EHF: variants seen among roughly 807,000 people sequenced by gnomAD.
EHF encodes the protein ESE3 transcription factor.
A neutral mutation model predicts 45.1 loss-of-function variants in EHF; 14 were observed. That is an observed-to-expected ratio of 0.31 (90% confidence interval 0.21 to 0.49). The LOEUF (loss-of-function observed/expected upper bound fraction) is 0.49, where lower values mean the gene tolerates loss of function less well. Ranked by LOEUF, EHF falls within the 20% of genes least tolerant of loss-of-function variation. EHF has a pLI of 0.99. For synonymous variants in EHF, 136 were observed against 131.8 expected (o/e 1.03, Z -0.22); for missense variants, 282 against 371.4 (o/e 0.76, Z 1.98).
chr11:34,625,971 T>C (rs1414232083), intron 1 of EHF, among the ~76,000 whole-genome samples: 4 of 152,198 alleles, frequency 2.6e-5, no homozygotes, highest in Admixed American at 2.0e-4. Context: ...TGCTTTCTGA[T>C]TAAAACAAAG....
chr11:34,646,276 G>C (rs1854526645), intron 2 of EHF, among the ~76,000 whole-genome samples, 163 bp from the exon 3 acceptor site: 1 of 152,004 alleles, frequency 6.6e-6, no homozygotes, highest in Non-Finnish European at 1.5e-5. Flanking sequence ...AGCAGGCTAG[G>C]GAGGACATGA....
At position 34,660,617 on chromosome 11, in the gene EHF, T is replaced by C. The variant is rs1027874391; in HGVS notation, c.*1686T>C. ...GCAATCTGGGAAGCACAGGAATAAG[T>C]AGACACTTTGAAAATGGATTTGAAT... On this transcript the variant is annotated 3_prime_UTR_variant, in exon 9 of 9. Transcript: ENST00000257831. The C allele has an allele frequency of 6.6e-6, 1 of 152,190 alleles. No individual in the cohort carries two copies. The highest frequency in any genetic ancestry group is 2.4e-5 in the African/African-American group (1 of 41,456). The allele number at this position is 152,190 out of a possible 1,614,324, so 9.4% of individuals were successfully genotyped here. A position where few individuals can be genotyped will look rare whatever the true frequency, so the allele number is the denominator to read the frequency against.
chr11:34,638,373 A>G (rs1269625118), intron 1 of EHF, among the ~76,000 whole-genome samples: 6 of 152,138 alleles, frequency 3.9e-5, no homozygotes, highest in Admixed American at 2.0e-4. Flanking sequence ...AGATCAGGCA[A>G]TTACTCTATA....
Position 34,663,165 on chromosome 11 carries a change from A to G in EHF, c.*4234A>G, listed in dbSNP as rs1809345777. ...AATCAGAAATCTTTCCCTTTAAGCT[A>G]TGTTAAATTCAAACTATTCCTGCTA... is the stretch of plus-strand genomic sequence containing the variant. On this transcript the variant is annotated 3_prime_UTR_variant, in exon 9 of 9. Transcript: ENST00000257831. 6.6e-6 allele frequency among the ~76,000 whole-genome samples: 1 copy of G among 152,162 alleles called. No homozygotes were observed. The highest frequency in any genetic ancestry group is 2.4e-5 in the African/African-American group (1 of 41,438).
At chr11:34,644,437 T>C (rs757348378) in intron 2 of EHF, among the ~76,000 whole-genome samples, 12 of 152,234 alleles carry the variant, frequency 7.9e-5, no homozygotes, top group Non-Finnish European at 2.9e-5. Context: ...ATTAGATTGT[T>C]CCATTCCTCC....
intron 6 of EHF, among the ~76,000 whole-genome samples, chr11:34,654,198 G>T (rs1855469770): frequency 6.6e-6 from 1 of 152,228 alleles, no homozygotes; most frequent in Non-Finnish European, 1.5e-5. Flanking sequence ...CAAACCTGTG[G>T]CTTGTTGCTG....
intron 7 of EHF, 149 bp downstream of exon 7, chr11:34,657,119 A>G: frequency 2.1e-6 from 2 of 931,224 alleles, no homozygotes; most frequent in South Asian, 3.4e-5. Flanking sequence ...TAGAGGCATC[A>G]CTTGCTAGCA....
intron 3 of EHF, among the ~76,000 whole-genome samples, chr11:34,647,690 T>C (rs1854704065): frequency 1.3e-5 from 2 of 152,218 alleles, no homozygotes; most frequent in African/African-American, 4.8e-5. Context: ...AGTCATACCC[T>C]GGCAACAGCC....
intron 1 of EHF, among the ~76,000 whole-genome samples, chr11:34,626,369 T>A (rs548775738): frequency 6.6e-6 from 1 of 152,202 alleles, no homozygotes; most frequent in African/African-American, 2.4e-5. Context: ...TTGGAGAATA[T>A]GGTCATCTTG....
intron 1 of EHF, among the ~76,000 whole-genome samples, chr11:34,630,892 T>C (rs1420632464): frequency 1.3e-5 from 2 of 151,880 alleles, no homozygotes; most frequent in African/African-American, 4.8e-5. Flanking sequence ...CCCTCCCCCA[T>C]GAAGCCAGTG....
At chr11:34,632,998 G>A (rs1226457906) in intron 1 of EHF, among the ~76,000 whole-genome samples, 1 of 152,164 alleles carries the variant, frequency 6.6e-6, no homozygotes, top group Non-Finnish European at 1.5e-5. Flanking sequence ...TCTGTATGAG[G>A]GCTTAAGTCC....
At chr11:34,624,313 C>G in intron 1 of EHF, 1 of 985,404 alleles carries the variant, frequency 1.0e-6, no homozygotes, top group Non-Finnish European at 1.2e-6. Context: ...TGGCTTTCAG[C>G]TTGGGTAAGC....
At chr11:34,642,808 GA>G in intron 2 of EHF, 81 bp downstream of exon 2, 1 of 1,032,628 alleles carries the variant, frequency 9.7e-7, no homozygotes, top group Non-Finnish European at 1.5e-6. Context: ...CCTAATGTTT[GA>G]AAAATATAGG....
chr11:34,655,580 A>G (rs767199178), intron 6 of EHF, among the ~76,000 whole-genome samples: 30 of 152,196 alleles, frequency 2.0e-4, no homozygotes, highest in Non-Finnish European at 3.2e-4. Flanking sequence ...ACTCTAGTCA[A>G]GTCATTTGAC....
Position 34,659,287 on chromosome 11 carries a change from C to T in EHF, c.*356C>T, listed in dbSNP as rs148314446. On this transcript the variant is annotated 3_prime_UTR_variant, in exon 9 of 9. Transcript: ENST00000257831. ...GAGAAAGAAAAACAAAATCAGAGGG[C>T]ATTAAATGTTTTGTATGTGACATGA... 70 of 181,766 alleles carry T rather than the reference C, an allele frequency of 3.9e-4. No homozygotes were observed. The highest frequency in any genetic ancestry group is 1.5e-3 in the African/African-American group (64 of 42,126). The allele number at this position is 181,766 out of a possible 1,614,324, so 11.3% of individuals were successfully genotyped here. A position where few individuals can be genotyped will look rare whatever the true frequency, so the allele number is the denominator to read the frequency against.
rs368395080 is a variant in EHF, at chr11:34,649,106, C to T, written c.406+25C>T. On this transcript the variant is annotated intron_variant, in intron 4 of 8. Transcript: ENST00000257831. ...GGTGAGTAGTAGTGGACAAAGGGAG[C>T]CAACCTAGCCTGGCAAAGCTCCGGG... The T allele has an allele frequency of 5.0e-6, 8 of 1,611,844 alleles. No individual in the cohort carries two copies. The Admixed American group carries it at 1.0e-4, about 20-fold the overall frequency.
At chr11:34,621,823 T>C (rs1852006037) in intron 1 of EHF, among the ~76,000 whole-genome samples, 1 of 152,218 alleles carries the variant, frequency 6.6e-6, no homozygotes, top group Non-Finnish European at 1.5e-5. Context: ...GCTGAATATC[T>C]ACAAAAACAA....
At chr11:34,653,784 G>A (rs774925431) in intron 6 of EHF, among the ~76,000 whole-genome samples, 3 of 152,090 alleles carry the variant, frequency 2.0e-5, no homozygotes, top group Non-Finnish European at 2.9e-5. Context: ...TTTATTTTTC[G>A]AGCTCCCATG....
chr11:34,651,488 C>T (rs1398795941), intron 4 of EHF, 54 bp from the exon 5 acceptor site: 1 of 1,496,276 alleles, frequency 6.7e-7, no homozygotes, highest in Non-Finnish European at 9.2e-7. Flanking sequence ...AACGCAGCCT[C>T]TTCTCCCTGG....
Sources: gnomAD v4.1 joint callset for allele counts (sites outside exome capture counted in the v4.1 genomes callset) on GRCh38, gnomAD v4.1.1 for gene constraint, MANE v1.5 for transcripts, NCBI Gene and HGNC (gene_info 2026-07-23, HGNC 2026-07-21) for gene names.